Variants in EXOC4 observed in about 807,000 individuals in gnomAD.
EXOC4 encodes exocyst complex component 4, also known as SEC8-like 1.
In EXOC4, 71 loss-of-function variants were observed where a neutral mutation model predicts 107.2. The observed-to-expected ratio is 0.66, with a 90% CI of 0.55 to 0.81. EXOC4 has a LOEUF of 0.81. Among genes scored for constraint, EXOC4 ranks in the 30% least tolerant of loss-of-function variants. The pLI, the probability that EXOC4 is intolerant of heterozygous loss-of-function variation, is 0.00. For missense variants in EXOC4, 1,108 were observed against 1,189.6 expected (o/e 0.93, Z 1.01); for synonymous variants, 456 against 441.2 (o/e 1.03, Z -0.42).
At chr7:133,478,808 A>C (rs1045449261) in intron 8 of EXOC4, 1 of 152,058 alleles carries the variant, frequency 6.6e-6, no homozygotes, top group Non-Finnish European at 1.5e-5. Flanking sequence ...AATAGCTGTC[A>C]GCATGCTTTT....
intron 10 of EXOC4, among the ~76,000 whole-genome samples, chr7:133,738,320 T>G (rs1231654766): frequency 6.6e-6 from 1 of 152,168 alleles, no homozygotes; most frequent in Non-Finnish European, 1.5e-5. Flanking sequence ...ATGACTCATT[T>G]ATAATGTCAA....
intron 10 of EXOC4, among the ~76,000 whole-genome samples, chr7:133,687,855 T>A (rs1160988411): frequency 6.6e-6 from 1 of 152,170 alleles, no homozygotes; most frequent in Non-Finnish European, 1.5e-5. Context: ...TTTAAATCAG[T>A]TACCATGAAA....
intron 10 of EXOC4, among the ~76,000 whole-genome samples, chr7:133,766,994 A>G (rs1796151490): frequency 6.6e-6 from 1 of 151,876 alleles, no homozygotes; most frequent in Non-Finnish European, 1.5e-5. Context: ...GACGCTAGAT[A>G]TTTTTAAATT....
intron 11 of EXOC4, among the ~76,000 whole-genome samples, chr7:133,863,314 C>A (rs2116352270): frequency 6.6e-6 from 1 of 152,194 alleles, no homozygotes; most frequent in Admixed American, 6.5e-5. Flanking sequence ...AGGAGAATAT[C>A]TTTATGACTT....
intron 10 of EXOC4, among the ~76,000 whole-genome samples, chr7:133,811,943 A>G (rs1370804098): frequency 6.6e-6 from 1 of 152,174 alleles, no homozygotes; most frequent in East Asian, 1.9e-4. Context: ...ATTTCCTACA[A>G]GTCTACTGTG....
intron 14 of EXOC4, among the ~76,000 whole-genome samples, chr7:133,952,410 G>T (rs766947567): frequency 1.1e-4 from 16 of 152,162 alleles, no homozygotes; most frequent in Non-Finnish European, 2.2e-4. Flanking sequence ...CTTCTCTGCT[G>T]CCTAATAACA....
intron 7 of EXOC4, among the ~76,000 whole-genome samples, chr7:133,397,291 A>ATTTTT (rs59222298): frequency 7.0e-6 from 1 of 142,794 alleles, no homozygotes. Context: ...ACCCAGCCAA[A>ATTTTT]TTTTTTTTTT....
intron 10 of EXOC4, among the ~76,000 whole-genome samples, chr7:133,663,468 A>G (rs1430093477): frequency 6.6e-6 from 1 of 152,188 alleles, no homozygotes; most frequent in Non-Finnish European, 1.5e-5. Context: ...CTTTTGCTTA[A>G]CATGTCCACT....
chr7:133,384,199 T>C (rs1796677243), intron 7 of EXOC4, among the ~76,000 whole-genome samples: 1 of 152,076 alleles, frequency 6.6e-6, no homozygotes, highest in Non-Finnish European at 1.5e-5. Context: ...TCTGAATACA[T>C]TGCGGCAAAC....
At chr7:133,982,196 C>T (rs4728305) in intron 14 of EXOC4, among the ~76,000 whole-genome samples, 105,118 of 152,046 alleles carry the variant, frequency 0.69, 36,713 homozygotes, top group East Asian at 0.91. Flanking sequence ...ACCCCCATGA[C>T]GCAAATTTAC....
intron 10 of EXOC4, among the ~76,000 whole-genome samples, chr7:133,679,927 A>G (rs1794151609): frequency 6.6e-6 from 1 of 152,244 alleles, no homozygotes; most frequent in African/African-American, 2.4e-5. Context: ...TACTGTCTCA[A>G]TATTAAATAG....
chr7:133,850,638 C>CCG (rs1554409254), intron 11 of EXOC4, among the ~76,000 whole-genome samples: 1 of 150,484 alleles, frequency 6.6e-6, no homozygotes, highest in Non-Finnish European at 1.5e-5. Context: ...TAGGTTACCC[C>CCG]CCCACACACA....
intron 11 of EXOC4, among the ~76,000 whole-genome samples, chr7:133,862,075 T>A (rs1798544984): frequency 6.6e-6 from 1 of 152,122 alleles, no homozygotes. Flanking sequence ...AGTTGCTGTG[T>A]ACCTAGCTTT....
intron 9 of EXOC4, among the ~76,000 whole-genome samples, chr7:133,599,203 T>C (rs796198479): frequency 1.3e-5 from 2 of 152,282 alleles, no homozygotes; most frequent in African/African-American, 4.8e-5. Context: ...GAATTACATA[T>C]GTGACCCACG....
intron 5 of EXOC4, among the ~76,000 whole-genome samples, chr7:133,334,657 G>A (rs186025708): frequency 3.9e-4 from 59 of 152,112 alleles, no homozygotes; most frequent in African/African-American, 1.3e-3. Flanking sequence ...CATCACTCAG[G>A]TATTGAGCCT....
chr7:133,500,582 A>C (rs1459833515), intron 9 of EXOC4, among the ~76,000 whole-genome samples: 2 of 152,150 alleles, frequency 1.3e-5, no homozygotes, highest in African/African-American at 4.8e-5. Context: ...ACTTATTGTG[A>C]ATAATGCTGC....
chr7:133,494,244 GAC>G (rs1799430934), intron 9 of EXOC4, among the ~76,000 whole-genome samples: 1 of 152,126 alleles, frequency 6.6e-6, no homozygotes, highest in Non-Finnish European at 1.5e-5. Flanking sequence ...TACCCTTATA[GAC>G]ACACTCAGAA....
chr7:133,375,623 T>G (rs191776161), intron 7 of EXOC4, among the ~76,000 whole-genome samples: 282 of 152,312 alleles, frequency 1.9e-3, no homozygotes, highest in Non-Finnish European at 3.5e-3. Flanking sequence ...AACATTAAAA[T>G]ATTCTTAAGC....
At chr7:133,434,093 G>A (rs1797912769) in intron 7 of EXOC4, among the ~76,000 whole-genome samples, 1 of 152,116 alleles carries the variant, frequency 6.6e-6, no homozygotes, top group South Asian at 2.1e-4. Context: ...AATAATGATT[G>A]TCTTGGGCTA....
Sources: allele counts gnomAD v4.1 joint callset (sites outside exome capture counted in the v4.1 genomes callset), GRCh38; gene constraint gnomAD v4.1.1; transcripts MANE v1.5; gene names NCBI Gene and HGNC (gene_info 2026-07-23, HGNC 2026-07-21).